The following ZBTB8A variants were observed in gnomAD, a reference collection of about 807,000 sequenced individuals.
ZBTB8A encodes the protein zinc finger and BTB domain-containing protein 8A.
A neutral mutation model predicts 37.8 loss-of-function variants in ZBTB8A; 19 were observed. The ratio of observed to expected loss-of-function variants is 0.50; its 90% CI spans 0.35 to 0.74. The LOEUF (loss-of-function observed/expected upper bound fraction) is 0.74. Ranked by LOEUF, ZBTB8A falls within the 30% of genes least tolerant of loss-of-function variation. The pLI is 0.01. For missense variants in ZBTB8A, 394 were observed against 537.8 expected, an observed-to-expected ratio of 0.73 and a Z score of 2.65; for synonymous variants, 181 against 185.2, an observed-to-expected ratio of 0.98 and a Z score of 0.19.
chr1:32,568,382 T>C (rs1307951218), intron 2 of ZBTB8A, among the ~76,000 whole-genome samples: 1 of 151,932 alleles, frequency 6.6e-6, no homozygotes, highest in African/African-American at 2.4e-5. Flanking sequence ...TATAGATTAG[T>C]TCTGCCTATT....
At chr1:32,546,472 G>T (rs567941263) in intron 1 of ZBTB8A, among the ~76,000 whole-genome samples, 18 of 151,326 alleles carry the variant, frequency 1.2e-4, no homozygotes, top group South Asian at 4.2e-4. Context: ...ATAAATAAAA[G>T]ATTTTTCTGT....
chr1:32,596,980 A>G (rs980336511), intron 4 of ZBTB8A, among the ~76,000 whole-genome samples: 2 of 151,948 alleles, frequency 1.3e-5, no homozygotes, highest in African/African-American at 4.8e-5. Flanking sequence ...TGTCCAACCA[A>G]AGGAGGTCTC....
chr1:32,595,134 C>T lies in ZBTB8A; in HGVS notation c.904C>T (p.Arg302Cys). 2 of 1,614,132 alleles carry T rather than the reference C, an allele frequency of 1.2e-6. No individual in the cohort carries two copies. Among genetic ancestry groups the T allele is most frequent in the East Asian group, 2.2e-5 (1 of 44,876 alleles). ...GAAGGCAGACCTAAAGCGCCACCTT[C>T]GTTGTCATACAGGAGAAAGGCCCTA... ...KRKADLKRHLRCHTGERPYPC... is the reference protein window; with the variant it reads ...KRKADLKRHLCCHTGERPYPC... Residue 302 changes from arginine (R) to cysteine (C), a missense_variant, in exon 4 of 5, where the codon CGT becomes TGT. Transcript: ENST00000373510.
intron 2 of ZBTB8A, among the ~76,000 whole-genome samples, chr1:32,558,001 T>C (rs1459563155): frequency 1.3e-5 from 2 of 152,226 alleles, no homozygotes; most frequent in Non-Finnish European, 2.9e-5. Context: ...CTTTGATGTT[T>C]ACATATTTCA....
chr1:32,583,447 A>G (rs1644423213), intron 2 of ZBTB8A, among the ~76,000 whole-genome samples: 1 of 151,836 alleles, frequency 6.6e-6, no homozygotes, highest in Admixed American at 6.6e-5. Context: ...ATGGTGAGGC[A>G]TTAATATAGT....
chr1:32,584,293 T>C lies in ZBTB8A; in HGVS notation c.-1-8638T>C, dbSNP rs1298448186. ...GCCTCCAGATTGCAAGACAATAAAA[T>C]TATATTTTTTTAAGTTACCTAGTTT... On this transcript the variant is annotated intron_variant, in intron 2 of 4. Coordinates refer to ENST00000373510, the MANE Select transcript of ZBTB8A (RefSeq NM_001040441.3). Among the ~76,000 whole-genome samples, 3 of 152,236 alleles carry C rather than the reference T, an allele frequency of 2.0e-5. No homozygotes were observed. The East Asian group carries it at 5.8e-4, about 29-fold the overall frequency.
chr1:32,553,004 T>G (rs763174514), intron 1 of ZBTB8A, among the ~76,000 whole-genome samples: 2 of 150,758 alleles, frequency 1.3e-5, no homozygotes, highest in Non-Finnish European at 3.0e-5. Context: ...TAATAATAAT[T>G]TGTGCCAGAT....
chr1:32,600,337 A>G lies in ZBTB8A; in HGVS notation c.1244A>G (p.Asp415Gly), dbSNP rs762693686. ...AGATCCTATGTGGAGATTGTAGAAG[A>G]TGGGTCTGCTGATCTGGTCATCCAA... ...ENRSYVEIVE[D>G]GSADLVIQQV... The change falls in exon 5 of 5, where the codon GAT becomes GGT. Residue 415 changes from aspartate (D) to glycine (G), a missense_variant. This residue lies in a region of ZBTB8A where 85 missense variants were observed against 89.0 expected (regional missense o/e 0.95). Coordinates refer to ENST00000373510, the MANE Select transcript of ZBTB8A (RefSeq NM_001040441.3). The G allele has an allele frequency of 1.2e-6, 2 of 1,614,162 alleles. No individual in the cohort carries two copies. The highest frequency in any genetic ancestry group is 1.1e-5 in the South Asian group (1 of 91,082).
rs966407370 is a variant in ZBTB8A, at chr1:32,603,224, G to C, written c.*2805G>C. On this transcript the variant is annotated 3_prime_UTR_variant, in exon 5 of 5. Coordinates refer to ENST00000373510, the MANE Select transcript of ZBTB8A (RefSeq NM_001040441.3). The stretch of plus-strand genomic sequence containing the variant: ...CGCTCACCACAACCTCTGCCTCCCG[G>C]GTTCAAGCGATTCTCCTGCCTCAGC... 2 of 152,516 alleles carry C rather than the reference G, an allele frequency of 1.3e-5. No homozygotes were observed. The highest frequency in any genetic ancestry group is 3.9e-4 in the East Asian group (2 of 5,194). 9.4% of individuals were successfully genotyped at this position (152,516 alleles called of 1,614,324 possible). A position where few individuals can be genotyped will look rare whatever the true frequency, so the allele number is the denominator to read the frequency against.
At position 32,601,941 on chromosome 1, in the gene ZBTB8A, CAAA is replaced by C. The variant is rs1644579100; in HGVS notation, c.*1523_*1525del. On this transcript the variant is annotated 3_prime_UTR_variant, in exon 5 of 5. Coordinates refer to ENST00000373510, the MANE Select transcript of ZBTB8A (RefSeq NM_001040441.3). ...AATTTAAAGTATAAAACTATTTGAACAAATTATTCACTTAAATATGTTGAACAT... is the reference window on the plus strand; with the variant it reads ...AATTTAAAGTATAAAACTATTTGAACTTATTCACTTAAATATGTTGAACAT... The C allele has an allele frequency of 3.0e-6, 1 of 336,372 alleles. No individual in the cohort carries two copies. The allele number at this position is 336,372 out of a possible 1,614,324, so 20.8% of individuals were successfully genotyped here. A position where few individuals can be genotyped will look rare whatever the true frequency, so the allele number is the denominator to read the frequency against.
chr1:32,574,056 A>G (rs1051677216), intron 2 of ZBTB8A, among the ~76,000 whole-genome samples: 1 of 152,014 alleles, frequency 6.6e-6, no homozygotes, highest in African/African-American at 2.4e-5. Context: ...AGCCTGGGCA[A>G]CAAGAGCGAA....
At chr1:32,582,572 C>T (rs895879622) in intron 2 of ZBTB8A, among the ~76,000 whole-genome samples, 1 of 151,808 alleles carries the variant, frequency 6.6e-6, no homozygotes. Context: ...CGCTTGAACC[C>T]GGGAGGCGGA....
Position 32,602,014 on chromosome 1 carries a change from T to A in ZBTB8A, c.*1595T>A, listed in dbSNP as rs368489337. The A allele has an allele frequency of 1.1e-5, 2 of 185,726 alleles. No homozygotes were observed. The highest frequency in any genetic ancestry group is 3.9e-4 in the South Asian group (2 of 5,156). 11.5% of individuals were successfully genotyped at this position (185,726 alleles called of 1,614,324 possible). On this transcript the variant is annotated 3_prime_UTR_variant, in exon 5 of 5. Transcript: ENST00000373510. Reference sequence around the variant, plus strand: ...ATAATATTTTCAAAACAAACTTTTCTCCTAGTATACAAAGTTTAAACTTCT... The same window carrying A: ...ATAATATTTTCAAAACAAACTTTTCACCTAGTATACAAAGTTTAAACTTCT...
In ZBTB8A at chr1:32,593,218, T is replaced by G. The variant is rs747268832; in HGVS notation, c.287T>G (p.Ile96Arg). 6.2e-7 allele frequency: 1 copy of G among 1,614,212 alleles called. No homozygotes were observed. The change falls in exon 3 of 5, where the codon ATA (isoleucine) becomes AGA (arginine). Residue 96 changes from isoleucine (I) to arginine (R), a missense_variant. Ile to Arg is a moderately conservative substitution (Grantham distance 97). Transcript: ENST00000373510. ...GKLSLTGQNV[I>R]EVMSAASFLQ... ...CTGTCTCTTACTGGTCAGAATGTCA[T>G]AGAAGTGATGTCGGCTGCTAGCTTC... is the stretch of plus-strand genomic sequence containing the variant.
chr1:32,560,611 C>CT (rs1239557039), intron 2 of ZBTB8A, among the ~76,000 whole-genome samples: 11 of 127,570 alleles, frequency 8.6e-5, no homozygotes, highest in African/African-American at 3.2e-4. Flanking sequence ...CTTTTCTTTT[C>CT]TTTCTTTTTT....
At chr1:32,545,215 A>G (rs1644093219) in intron 1 of ZBTB8A, among the ~76,000 whole-genome samples, 1 of 152,186 alleles carries the variant, frequency 6.6e-6, no homozygotes, top group Admixed American at 6.5e-5. Flanking sequence ...AAACATGGAA[A>G]AAAAAGAAAA....
intron 1 of ZBTB8A, among the ~76,000 whole-genome samples, chr1:32,542,334 TC>T (rs1644062774): frequency 2.3e-5 from 1 of 43,778 alleles, no homozygotes; most frequent in African/African-American, 8.8e-5. Context: ...GCCTCGGGGG[TC>T]GGGGGGGCGG....
intron 2 of ZBTB8A, among the ~76,000 whole-genome samples, chr1:32,591,311 A>G (rs1194225433): frequency 1.3e-5 from 2 of 151,384 alleles, no homozygotes; most frequent in African/African-American, 4.9e-5. Flanking sequence ...CCTGGGCTCA[A>G]GTGATCCTCC....
intron 1 of ZBTB8A, among the ~76,000 whole-genome samples, chr1:32,541,927 G>A (rs1479499875): frequency 6.6e-6 from 1 of 152,186 alleles, no homozygotes; most frequent in Non-Finnish European, 1.5e-5. Flanking sequence ...TTTTAATACA[G>A]ACGATCACTG....
Sources: allele counts gnomAD v4.1 joint callset (sites outside exome capture counted in the v4.1 genomes callset), GRCh38; gene constraint gnomAD v4.1.1; regional missense constraint gnomAD v4.1.1; transcripts MANE v1.5; gene names NCBI Gene and HGNC (gene_info 2026-07-23, HGNC 2026-07-21).